VAT1L: variants seen among roughly 807,000 people sequenced by gnomAD.
VAT1L encodes vesicle amine transport 1 like, also known as putative NADPH-dependent quinone oxidoreductase VAT1L.
In VAT1L, 34 loss-of-function variants were observed where a neutral mutation model predicts 44.1. That is an observed-to-expected ratio of 0.77 (90% CI 0.59 to 1.03). VAT1L has a LOEUF of 1.03. VAT1L is among the 50% of genes least tolerant of loss of function. The pLI is 0.00. For missense variants in VAT1L, 615 were observed against 538.8 expected, an observed-to-expected ratio of 1.14 and a Z score of -1.40; for synonymous variants, 253 against 202.2, an observed-to-expected ratio of 1.25 and a Z score of -2.13.
intron 7 of VAT1L, among the ~76,000 whole-genome samples, chr16:77,918,401 C>G (rs376978970): frequency 5.9e-5 from 9 of 152,290 alleles, no homozygotes; most frequent in Middle Eastern, 3.4e-3. Flanking sequence ...TTCTTCCCCC[C>G]AAAAGTCTCT....
At position 77,977,770 on chromosome 16, in the gene VAT1L, C is replaced by T. The variant is rs187961895; in HGVS notation, c.*75C>T. 816 of 1,394,434 alleles carry T rather than the reference C, an allele frequency of 5.9e-4. 5 individuals carry two copies. The African/African-American group carries it at 9.9e-3, about 17-fold the overall frequency. 86.4% of individuals were successfully genotyped at this position (1,394,434 alleles called of 1,614,324 possible). ...CCGGCTGAGAAAACTCTTCTGTGCC[C>T]CAGTGAACAAATGCTGTAGTCCAGT... On this transcript the variant is annotated 3_prime_UTR_variant, in exon 9 of 9. Transcript: ENST00000302536.
chr16:77,933,464 A>C (rs2017755428), intron 7 of VAT1L, among the ~76,000 whole-genome samples: 1 of 152,266 alleles, frequency 6.6e-6, no homozygotes, highest in Non-Finnish European at 1.5e-5. Context: ...AATTTGGCAG[A>C]CACTGCTCTC....
intron 7 of VAT1L, among the ~76,000 whole-genome samples, chr16:77,949,136 G>C (rs545989737): frequency 1.3e-5 from 2 of 152,286 alleles, no homozygotes; most frequent in African/African-American, 4.8e-5. Flanking sequence ...CAGGAGGCTA[G>C]AAAAAGAATA....
rs1186135306 is a variant in VAT1L at position 77,918,165 on chromosome 16, G to T, written c.1077+33363G>T. ...TGCTAATTGGCTCAAGAAACTGGAA[G>T]TTTCTCTCACTGACACTCACCAGCT... is the stretch of plus-strand genomic sequence containing the variant. On this transcript the variant is annotated intron_variant, in intron 7 of 8. Transcript: ENST00000302536. 3.3e-5 allele frequency among the ~76,000 whole-genome samples: 5 copies of T among 152,160 alleles called. No homozygotes were observed. The South Asian group carries it at 8.3e-4, about 25-fold the overall frequency.
chr16:77,924,719 A>G lies in VAT1L; in HGVS notation c.1077+39917A>G, dbSNP rs1006401681. ...AGTGATCTGCCTGCCTTGGCCTCCC[A>G]AAGTGCTGGGATTACAGGCGTGAGC... On this transcript the variant is annotated intron_variant, in intron 7 of 8. Coordinates refer to ENST00000302536, the MANE Select transcript of VAT1L (RefSeq NM_020927.3). 1.1e-4 allele frequency among the ~76,000 whole-genome samples: 16 copies of G among 152,138 alleles called. 1 individual carries two copies. The highest frequency in any genetic ancestry group is 4.1e-4 in the South Asian group (2 of 4,830).
In VAT1L at chr16:77,825,359, T is replaced by A; in HGVS notation, c.477T>A (p.Ala159=). The A allele has an allele frequency of 6.2e-7, 1 of 1,614,178 alleles. No individual in the cohort carries two copies. The highest frequency in any genetic ancestry group is 8.5e-7 in the Non-Finnish European group (1 of 1,180,032). Residue 159 remains alanine, a synonymous_variant, in exon 3 of 9, where the codon GCT becomes GCA. Coordinates refer to ENST00000302536, the MANE Select transcript of VAT1L (RefSeq NM_020927.3). Reference sequence around the variant, plus strand: ...ATGACATGAGCTTCTCCGAGGCTGCTGCATTCCCCATGAACTTCGTCACAG... The same window carrying A: ...ATGACATGAGCTTCTCCGAGGCTGCAGCATTCCCCATGAACTTCGTCACAG... ...IPDDMSFSEA[A]AFPMNFVTAY...
chr16:77,925,090 G>C (rs2017651676), intron 7 of VAT1L, among the ~76,000 whole-genome samples: 1 of 152,174 alleles, frequency 6.6e-6, no homozygotes, highest in African/African-American at 2.4e-5. Context: ...CTTATAGGTA[G>C]TCCTCAAAAT....
intron 1 of VAT1L, among the ~76,000 whole-genome samples, chr16:77,813,782 G>C (rs1348025801): frequency 6.6e-6 from 1 of 152,112 alleles, no homozygotes; most frequent in Non-Finnish European, 1.5e-5. Context: ...CCCAGTTCTT[G>C]GACCAGCTCA....
intron 1 of VAT1L, among the ~76,000 whole-genome samples, chr16:77,795,411 C>T (rs1187726094): frequency 6.6e-6 from 1 of 152,100 alleles, no homozygotes; most frequent in Non-Finnish European, 1.5e-5. Flanking sequence ...AGCTTATTAA[C>T]AGCTTAATAA....
rs186338744 is a variant in VAT1L at position 77,955,503 on chromosome 16, T to C, written c.1078-16347T>C. 2.4e-3 allele frequency among the ~76,000 whole-genome samples: 369 copies of C among 152,244 alleles called. 2 individuals carry two copies. Among genetic ancestry groups the C allele is most frequent in the African/African-American group, 8.1e-3 (336 of 41,562 alleles). ...ACTTTGGGACGCCAAGGCGGGAAGA[T>C]TGCTTGAGGTCAGGTGTTCGAGACC... On this transcript the variant is annotated intron_variant, in intron 7 of 8. Coordinates refer to ENST00000302536, the MANE Select transcript of VAT1L (RefSeq NM_020927.3).
At chr16:77,801,256 TAACCTTCACGCAAGCTACA>T in intron 1 of VAT1L, 1 of 152,160 alleles carries the variant, frequency 6.6e-6, no homozygotes, top group African/African-American at 2.4e-5. Context: ...AGGAATTTGC[TAACCTTCACGCAAGCTACA>T]GAGACCTTGG....
At chr16:77,813,819 C>T (rs1349007054) in intron 1 of VAT1L, among the ~76,000 whole-genome samples, 1 of 152,106 alleles carries the variant, frequency 6.6e-6, no homozygotes, top group Non-Finnish European at 1.5e-5. Context: ...AATGGGTTCC[C>T]GTCTAGATTA....
chr16:77,928,325 G>A (rs1021169410), intron 7 of VAT1L, among the ~76,000 whole-genome samples: 1 of 152,158 alleles, frequency 6.6e-6, no homozygotes, highest in Admixed American at 6.5e-5. Flanking sequence ...TAACACACTT[G>A]TAAAAACTCA....
chr16:77,842,507 G>C (rs1305240779), intron 3 of VAT1L, among the ~76,000 whole-genome samples: 6 of 152,218 alleles, frequency 3.9e-5, no homozygotes, highest in Non-Finnish European at 8.8e-5. Flanking sequence ...TGTGCGGAGT[G>C]GGGGAATGAT....
Position 77,825,237 on chromosome 16 carries a change from C to A in VAT1L, c.364-9C>A. The A allele has an allele frequency of 6.2e-7, 1 of 1,613,876 alleles. No individual in the cohort carries two copies. The highest frequency in any genetic ancestry group is 8.5e-7 in the Non-Finnish European group (1 of 1,180,006). ...AGCCTCCACTAACTCTGTGTTTCCC[C>A]ATGCCCAGATTGGAGACCGTGTCAT... On this transcript the variant is annotated splice_polypyrimidine_tract_variant and intron_variant, in intron 2 of 8. Transcript: ENST00000302536.
intron 7 of VAT1L, among the ~76,000 whole-genome samples, chr16:77,926,044 C>T (rs957093490): frequency 6.6e-5 from 10 of 151,626 alleles, no homozygotes; most frequent in East Asian, 1.9e-4. Flanking sequence ...GGGTGGGTCA[C>T]GAGGTCAGGA....
intron 1 of VAT1L, among the ~76,000 whole-genome samples, chr16:77,791,767 T>C (rs939743950): frequency 6.6e-6 from 1 of 152,198 alleles, no homozygotes; most frequent in African/African-American, 2.4e-5. Flanking sequence ...CAAAGTAGTA[T>C]GGCTTTCTCC....
chr16:77,862,789 G>A lies in VAT1L; in HGVS notation c.621G>A (p.Val207=), dbSNP rs190968524. 1.2e-6 allele frequency: 2 copies of A among 1,614,042 alleles called. No individual in the cohort carries two copies. Among genetic ancestry groups the A allele is most frequent in the East Asian group, 2.2e-5 (1 of 44,876 alleles). ...AGCTGTGTTCCACTGTCCCCAACGTGACTGTCTTTGGAACAGCCTCTACTT... is the reference window on the plus strand; with the variant it reads ...AGCTGTGTTCCACTGTCCCCAACGTAACTGTCTTTGGAACAGCCTCTACTT... The part of the protein sequence containing the change: ...VAQLCSTVPN[V]TVFGTASTFK... Residue 207 remains valine (V), a synonymous_variant, in exon 4 of 9, where the codon GTG becomes GTA. Transcript: ENST00000302536.
chr16:77,920,970 A>C (rs993702005), intron 7 of VAT1L, among the ~76,000 whole-genome samples: 1 of 150,088 alleles, frequency 6.7e-6, no homozygotes, highest in Non-Finnish European at 1.5e-5. Flanking sequence ...GCATATATAC[A>C]CACACACACA....
Sources: gnomAD v4.1 joint callset for allele counts (sites outside exome capture counted in the v4.1 genomes callset) on GRCh38, gnomAD v4.1.1 for gene constraint, MANE v1.5 for transcripts, NCBI Gene and HGNC (gene_info 2026-07-23, HGNC 2026-07-21) for gene names.